SORCS1: variants seen among roughly 807,000 people sequenced by gnomAD.
SORCS1 encodes the protein sortilin related VPS10 domain containing receptor 1.
Under a neutral mutation model 146.1 loss-of-function variants are expected in SORCS1, and 60 were observed. The ratio of observed to expected loss-of-function variants is 0.41; its 90% CI spans 0.33 to 0.51. The LOEUF (loss-of-function observed/expected upper bound fraction) is 0.51, where lower values mean the gene tolerates loss of function less well. Ranked by LOEUF, SORCS1 falls within the 20% of genes least tolerant of loss-of-function variation. The pLI, the probability that SORCS1 is intolerant of heterozygous loss-of-function variation, is 0.21. For synonymous variants in SORCS1, 637 were observed against 584.0 expected (o/e 1.09, Z -1.31); for missense variants, 1,352 against 1,487.6 (o/e 0.91, Z 1.50).
intron 3 of SORCS1, among the ~76,000 whole-genome samples, chr10:106,801,678 C>G (rs1002711145): frequency 1.4e-4 from 21 of 151,862 alleles, no homozygotes; most frequent in African/African-American, 5.1e-4. Context: ...TACAGGCGCC[C>G]GCCACCACGC....
At chr10:106,949,154 G>T (rs1388457380) in intron 2 of SORCS1, among the ~76,000 whole-genome samples, 3 of 152,142 alleles carry the variant, frequency 2.0e-5, no homozygotes, top group African/African-American at 7.2e-5. Context: ...ACATTTGTAC[G>T]CACAGGTGTG....
chr10:106,627,514 C>T (rs192000403), intron 19 of SORCS1, among the ~76,000 whole-genome samples: 32 of 152,052 alleles, frequency 2.1e-4, no homozygotes, highest in African/African-American at 4.8e-4. Context: ...ATGTTTGTGA[C>T]GTATTGTTAA....
chr10:106,805,426 C>G (rs1947114036), intron 3 of SORCS1, among the ~76,000 whole-genome samples: 1 of 152,064 alleles, frequency 6.6e-6, no homozygotes, highest in Non-Finnish European at 1.5e-5. Flanking sequence ...AAGTAAAGGT[C>G]AAGTAAAGAG....
In SORCS1 at chr10:106,852,077, T is replaced by C. The variant is rs558121733; in HGVS notation, c.627-22404A>G. On this transcript the variant is annotated intron_variant, in intron 2 of 25. Coordinates refer to ENST00000263054, the MANE Select transcript of SORCS1 (RefSeq NM_052918.5). ...CTACAATTACTTATTAGTTTTTTCA[T>C]TGTTGTTGATTCTCTAAGATTTTAT... is the stretch of plus-strand genomic sequence containing the variant. Among the ~76,000 whole-genome samples, 20 of 152,298 alleles carry C rather than the reference T, an allele frequency of 1.3e-4. 1 individual carries two copies. Among genetic ancestry groups the C allele is most frequent in the Admixed American group, 1.1e-3 (17 of 15,302 alleles).
intron 2 of SORCS1, among the ~76,000 whole-genome samples, chr10:106,931,704 C>T (rs1256935622): frequency 6.6e-6 from 1 of 152,134 alleles, no homozygotes; most frequent in Non-Finnish European, 1.5e-5. Context: ...AGGGATAAGT[C>T]CTTTTTTTAG....
chr10:107,045,181 T>A (rs895395169), intron 1 of SORCS1, among the ~76,000 whole-genome samples: 18 of 152,154 alleles, frequency 1.2e-4, no homozygotes, highest in African/African-American at 4.3e-4. Context: ...CAGACTTTTG[T>A]TTTAGGACAG....
At chr10:106,607,713 C>A (rs1253296887) in intron 22 of SORCS1, among the ~76,000 whole-genome samples, 1 of 152,162 alleles carries the variant, frequency 6.6e-6, no homozygotes, top group Non-Finnish European at 1.5e-5. Context: ...AAGGTGGTGA[C>A]CATGCCAGTG....
intron 3 of SORCS1, among the ~76,000 whole-genome samples, chr10:106,784,738 A>G (rs1485425703): frequency 1.3e-5 from 2 of 152,246 alleles, no homozygotes; most frequent in East Asian, 3.8e-4. Context: ...CTTTACAAGA[A>G]ATGATGTTCA....
At chr10:106,949,328 G>T (rs578189257) in intron 2 of SORCS1, among the ~76,000 whole-genome samples, 1 of 152,248 alleles carries the variant, frequency 6.6e-6, no homozygotes, top group East Asian at 1.9e-4. Context: ...TCAAAGCAGG[G>T]ACTAACAATC....
At chr10:106,653,453 A>G (rs2135277560) in intron 17 of SORCS1, among the ~76,000 whole-genome samples, 1 of 152,352 alleles carries the variant, frequency 6.6e-6, no homozygotes, top group Non-Finnish European at 1.5e-5. Flanking sequence ...ACCAGAGGTC[A>G]GCAAACTTTT....
intron 2 of SORCS1, among the ~76,000 whole-genome samples, chr10:106,864,273 C>G (rs1229589146): frequency 6.6e-6 from 1 of 152,120 alleles, no homozygotes; most frequent in Non-Finnish European, 1.5e-5. Context: ...GGCAGAATGA[C>G]GGTCCACCAG....
At chr10:106,878,620 G>GTGTGTATATATATATATATATATA (rs904386657) in intron 2 of SORCS1, among the ~76,000 whole-genome samples, 3 of 84,950 alleles carry the variant, frequency 3.5e-5, no homozygotes, top group African/African-American at 1.4e-4. Flanking sequence ...AAACTACCTA[G>GTGTGTATATATATATATATATATA]TATATATATA....
chr10:106,731,328 A>C lies in SORCS1; in HGVS notation c.960-1214T>G, dbSNP rs532938042. Among the ~76,000 whole-genome samples, 9 of 145,516 alleles carry C rather than the reference A, an allele frequency of 6.2e-5. No homozygotes were observed. The East Asian group carries it at 8.0e-4, about 13-fold the overall frequency. ...AAAAAAAAAAAAAAAAAAAGTACTTATCTCTCCAGAGCCTAGTGCGGTATC... is the reference window on the plus strand; with the variant it reads ...AAAAAAAAAAAAAAAAAAAGTACTTCTCTCTCCAGAGCCTAGTGCGGTATC... On this transcript the variant is annotated intron_variant, in intron 5 of 25. Coordinates refer to ENST00000263054, the MANE Select transcript of SORCS1 (RefSeq NM_052918.5).
intron 24 of SORCS1, among the ~76,000 whole-genome samples, chr10:106,586,951 T>G (rs1845276279): frequency 6.6e-6 from 1 of 152,134 alleles, no homozygotes; most frequent in South Asian, 2.1e-4. Flanking sequence ...CTAGATTCTG[T>G]GTCTAAACGA....
At chr10:106,777,420 G>A (rs911105192) in intron 3 of SORCS1, among the ~76,000 whole-genome samples, 2 of 152,118 alleles carry the variant, frequency 1.3e-5, no homozygotes, top group African/African-American at 4.8e-5. Flanking sequence ...CAGTATGCAT[G>A]GTACACTGAT....
In SORCS1 at chr10:106,747,273, G is replaced by C. The variant is rs989438074; in HGVS notation, c.959+14315C>G. Among the ~76,000 whole-genome samples the C allele has an allele frequency of 5.9e-5, 9 of 152,254 alleles. 1 individual carries two copies. The highest frequency in any genetic ancestry group is 3.9e-4 in the Admixed American group (6 of 15,288). On this transcript the variant is annotated intron_variant, in intron 5 of 25. Coordinates refer to ENST00000263054, the MANE Select transcript of SORCS1 (RefSeq NM_052918.5). ...CAGAGTCAACAATAAAAAATAGTGG[G>C]ACAGCTCCATTTCCTCTAGTTATTC...
chr10:107,052,439 T>A (rs781088858), intron 1 of SORCS1, among the ~76,000 whole-genome samples: 3 of 152,062 alleles, frequency 2.0e-5, no homozygotes, highest in Non-Finnish European at 4.4e-5. Context: ...TTAAAGGAGG[T>A]ATAATTACCC....
intron 19 of SORCS1, among the ~76,000 whole-genome samples, chr10:106,625,176 C>T (rs911572): frequency 0.97 from 147,936 of 151,774 alleles, 72,193 homozygotes; most frequent in East Asian, 1. Context: ...AACTGACGCC[C>T]GTGAGGCTGC....
At position 106,574,728 on chromosome 10, in the gene SORCS1, A is replaced by G. The variant is rs376903117; in HGVS notation, c.*2692T>C. 9.8e-5 allele frequency: 15 copies of G among 152,334 alleles called. No individual in the cohort carries two copies. The South Asian group carries it at 1.2e-3, about 13-fold the overall frequency. 9.4% of individuals were successfully genotyped at this position (152,334 alleles called of 1,614,324 possible). On this transcript the variant is annotated 3_prime_UTR_variant, in exon 26 of 26. Transcript: ENST00000263054. ...GATCCAGGTACCACACTTTGAGAACAACTGGCCAAGGTCCTAAGAACAATG... is the reference window on the plus strand; with the variant it reads ...GATCCAGGTACCACACTTTGAGAACGACTGGCCAAGGTCCTAAGAACAATG...
Sources: gnomAD v4.1 joint callset for allele counts (sites outside exome capture counted in the v4.1 genomes callset) on GRCh38, gnomAD v4.1.1 for gene constraint, MANE v1.5 for transcripts, NCBI Gene and HGNC (gene_info 2026-07-23, HGNC 2026-07-21) for gene names.